ARHGAP24: variants seen among roughly 807,000 people sequenced by gnomAD.
ARHGAP24 encodes the protein Rho GTPase activating protein 24, also known as rho GTPase-activating protein 24.
Under a neutral mutation model 76.4 loss-of-function variants are expected in ARHGAP24, and 50 were observed. The observed-to-expected ratio is 0.65, with a 90% CI of 0.52 to 0.83. ARHGAP24 has a LOEUF of 0.83. Among genes scored for constraint, ARHGAP24 ranks in the 40% least tolerant of loss-of-function variants. The pLI, the probability that ARHGAP24 is intolerant of heterozygous loss-of-function variation, is 0.00. For missense variants in ARHGAP24, 930 were observed against 914.2 expected (o/e 1.02, Z -0.22); for synonymous variants, 345 against 323.3 (o/e 1.07, Z -0.72).
intron 4 of ARHGAP24, among the ~76,000 whole-genome samples, chr4:85,924,535 A>C (rs1735908810): frequency 6.6e-6 from 1 of 152,228 alleles, no homozygotes; most frequent in Non-Finnish European, 1.5e-5. Context: ...ATGGTGATAT[A>C]GTTTAAAATA....
chr4:85,529,366 C>T (rs1224205692), intron 1 of ARHGAP24, among the ~76,000 whole-genome samples: 1 of 151,970 alleles, frequency 6.6e-6, no homozygotes, highest in Non-Finnish European at 1.5e-5. Context: ...ACTGGCTTAG[C>T]TTGGTCTGAC....
chr4:85,627,455 C>T (rs779622288), intron 2 of ARHGAP24, among the ~76,000 whole-genome samples: 4 of 152,090 alleles, frequency 2.6e-5, no homozygotes, highest in South Asian at 2.1e-4. Flanking sequence ...GAGGAGTACC[C>T]GGCCGTGTGA....
intron 3 of ARHGAP24, among the ~76,000 whole-genome samples, chr4:85,835,246 A>G (rs1234963542): frequency 6.6e-6 from 1 of 151,640 alleles, no homozygotes; most frequent in Non-Finnish European, 1.5e-5. Flanking sequence ...AACTCGCACA[A>G]TGTAATTTAA....
intron 2 of ARHGAP24, among the ~76,000 whole-genome samples, chr4:85,685,731 T>C (rs567433022): frequency 6.6e-6 from 1 of 152,340 alleles, no homozygotes; most frequent in African/African-American, 2.4e-5. Flanking sequence ...ATTTTAGGTT[T>C]TTGTTACAAG....
chr4:85,603,644 A>T (rs1055010403), intron 2 of ARHGAP24, among the ~76,000 whole-genome samples: 1 of 152,234 alleles, frequency 6.6e-6, no homozygotes, highest in African/African-American at 2.4e-5. Flanking sequence ...TGTGGGTGAC[A>T]TATATTAGAA....
At chr4:85,769,006 A>C (rs929310511) in intron 3 of ARHGAP24, among the ~76,000 whole-genome samples, 3 of 152,230 alleles carry the variant, frequency 2.0e-5, no homozygotes, top group African/African-American at 7.2e-5. Flanking sequence ...CTAATTTATG[A>C]TGAAGGATGA....
chr4:85,689,712 G>T (rs34587524), intron 2 of ARHGAP24, among the ~76,000 whole-genome samples: 59,033 of 151,986 alleles, frequency 0.39, 13,279 homozygotes, highest in African/African-American at 0.62. Flanking sequence ...GTACATTGAC[G>T]ATGTATCCTG....
chr4:85,970,292 G>A (rs1377095926), intron 5 of ARHGAP24, among the ~76,000 whole-genome samples: 1 of 152,028 alleles, frequency 6.6e-6, no homozygotes, highest in Non-Finnish European at 1.5e-5. Context: ...CACACCCTTC[G>A]GATCTTGGCT....
At chr4:85,758,884 G>A (rs1403167046) in intron 3 of ARHGAP24, among the ~76,000 whole-genome samples, 2 of 152,194 alleles carry the variant, frequency 1.3e-5, no homozygotes, top group African/African-American at 4.8e-5. Context: ...AAGGAAAAGA[G>A]AGGCTTAGCA....
intron 2 of ARHGAP24, among the ~76,000 whole-genome samples, chr4:85,581,543 A>C (rs943140958): frequency 6.6e-6 from 1 of 152,174 alleles, no homozygotes; most frequent in African/African-American, 2.4e-5. Flanking sequence ...CATGAGTTGT[A>C]AATGCTGTAG....
At chr4:85,906,647 A>G (rs1734783074) in intron 3 of ARHGAP24, among the ~76,000 whole-genome samples, 1 of 152,214 alleles carries the variant, frequency 6.6e-6, no homozygotes, top group African/African-American at 2.4e-5. Flanking sequence ...AAAAATCACC[A>G]TATTGACCCA....
At chr4:85,948,881 C>A (rs1560739055) in intron 5 of ARHGAP24, among the ~76,000 whole-genome samples, 1 of 152,094 alleles carries the variant, frequency 6.6e-6, no homozygotes, top group African/African-American at 2.4e-5. Flanking sequence ...ACTCTTTGAC[C>A]AGCTAGAGAT....
intron 3 of ARHGAP24, among the ~76,000 whole-genome samples, chr4:85,759,573 T>G (rs2110072102): frequency 6.6e-6 from 1 of 152,262 alleles, no homozygotes; most frequent in African/African-American, 2.4e-5. Flanking sequence ...TTGGCAGGTA[T>G]CCACACCGAG....
intron 2 of ARHGAP24, among the ~76,000 whole-genome samples, chr4:85,663,914 A>T (rs77521728): frequency 6.7e-6 from 1 of 149,886 alleles, no homozygotes; most frequent in Non-Finnish European, 1.5e-5. Context: ...TGCTGGATTC[A>T]GTTTGCCAGT....
intron 5 of ARHGAP24, among the ~76,000 whole-genome samples, chr4:85,959,059 G>A (rs1016786681): frequency 6.6e-6 from 1 of 152,192 alleles, no homozygotes; most frequent in Non-Finnish European, 1.5e-5. Context: ...AAGTTTATTA[G>A]GAAAGTAATG....
rs60488187 is a variant in ARHGAP24, at chr4:85,757,840, A to C, written c.268+35868A>C. On this transcript the variant is annotated intron_variant, in intron 3 of 9. Transcript: ENST00000395184. Reference sequence around the variant, plus strand: ...TGGTTTACAGTCCCACCAACAGTGTAAAAGTGCTCCTATTTCTCCACATCC... The same window carrying C: ...TGGTTTACAGTCCCACCAACAGTGTCAAAGTGCTCCTATTTCTCCACATCC... 9.2e-3 allele frequency among the ~76,000 whole-genome samples: 1,408 copies of C among 152,314 alleles called. 23 individuals are homozygous for C. Among genetic ancestry groups the C allele is most frequent in the African/African-American group, 0.031 (1,307 of 41,568 alleles).
At chr4:85,707,585 A>T (rs529993716) in intron 2 of ARHGAP24, among the ~76,000 whole-genome samples, 2 of 152,298 alleles carry the variant, frequency 1.3e-5, no homozygotes, top group African/African-American at 2.4e-5. Context: ...ACAAGCAGGG[A>T]TCCCTTATAG....
At chr4:85,496,515 T>G (rs1052812290) in intron 1 of ARHGAP24, among the ~76,000 whole-genome samples, 4 of 152,224 alleles carry the variant, frequency 2.6e-5, no homozygotes, top group African/African-American at 9.6e-5. Context: ...TTGAGAAGAT[T>G]TTAACGTTTT....
At chr4:85,562,420 TTG>T (rs10651032) in intron 1 of ARHGAP24, among the ~76,000 whole-genome samples, 1 of 151,316 alleles carries the variant, frequency 6.6e-6, no homozygotes, top group Non-Finnish European at 1.5e-5. Flanking sequence ...TTATGTGAAT[TTG>T]TGTGTGTGTG....
Sources: allele counts gnomAD v4.1 joint callset (sites outside exome capture counted in the v4.1 genomes callset), GRCh38; gene constraint gnomAD v4.1.1; transcripts MANE v1.5; gene names NCBI Gene and HGNC (gene_info 2026-07-23, HGNC 2026-07-21).